The following SASH1 variants were observed in gnomAD, a reference collection of about 807,000 sequenced individuals.
The protein encoded by SASH1 is SAM and SH3 domain-containing protein 1.
In SASH1, 44 loss-of-function variants were observed where a neutral mutation model predicts 125.2. That is an observed-to-expected ratio of 0.35 (90% CI 0.28 to 0.45). The LOEUF is 0.45. SASH1 is among the 20% of genes least tolerant of loss of function. The pLI is 1.00. For missense variants in SASH1, 1,426 were observed against 1,614.5 expected (o/e 0.88, Z 2.00); for synonymous variants, 639 against 649.1 (o/e 0.98, Z 0.24).
intron 1 of SASH1, among the ~76,000 whole-genome samples, chr6:148,278,128 C>G (rs1779237794): frequency 6.6e-6 from 1 of 152,108 alleles, no homozygotes; most frequent in Non-Finnish European, 1.5e-5. Flanking sequence ...CAACCTCTGC[C>G]TCCCGGGTTC....
At chr6:148,344,431 A>G (rs1562337112) in intron 1 of SASH1, among the ~76,000 whole-genome samples, 1 of 152,202 alleles carries the variant, frequency 6.6e-6, no homozygotes, top group Non-Finnish European at 1.5e-5. Context: ...CCTTCTGGAC[A>G]TCCTAAAAGC....
intron 1 of SASH1, among the ~76,000 whole-genome samples, chr6:148,385,775 C>G (rs575145438): frequency 6.6e-6 from 1 of 152,304 alleles, no homozygotes; most frequent in Admixed American, 6.5e-5. Context: ...GGTGGAGCAT[C>G]TGGAAAGGGC....
At chr6:148,293,128 A>C (rs1779677445) in intron 1 of SASH1, among the ~76,000 whole-genome samples, 1 of 152,090 alleles carries the variant, frequency 6.6e-6, no homozygotes, top group South Asian at 2.1e-4. Flanking sequence ...ATCTGTAATA[A>C]TCTCAAAGGG....
rs576798745 is a variant in SASH1, at chr6:148,446,088, C to CTTTTTTTTTTTTTTTTTTTTTT, written c.386+5698_386+5719dup. ...TTGCTATCCTGAACAACATAGGGTT[C>CTTTTTTTTTTTTTTTTTTTTTT]TTTTTTTTTTTTTTTTTTTTTTTTT... is the stretch of plus-strand genomic sequence containing the variant. On this transcript the variant is annotated intron_variant, in intron 4 of 19. Transcript: ENST00000367467. 7.0e-5 allele frequency among the ~76,000 whole-genome samples: 5 copies of CTTTTTTTTTTTTTTTTTTTTTT among 71,012 alleles called. 2 individuals are homozygous for CTTTTTTTTTTTTTTTTTTTTTT. Among genetic ancestry groups the CTTTTTTTTTTTTTTTTTTTTTT allele is most frequent in the Non-Finnish European group, 1.3e-4 (5 of 38,074 alleles). The allele number at this position is 71,012 out of a possible 152,430, so 46.6% of individuals were successfully genotyped here.
chr6:148,497,877 G>A (rs1779378601), intron 8 of SASH1, among the ~76,000 whole-genome samples: 1 of 152,160 alleles, frequency 6.6e-6, no homozygotes, highest in African/African-American at 2.4e-5. Context: ...AGTAGTTATT[G>A]TACTGAAATA....
intron 1 of SASH1, among the ~76,000 whole-genome samples, chr6:148,319,158 G>C (rs988969896): frequency 2.1e-5 from 3 of 143,084 alleles, no homozygotes; most frequent in Admixed American, 7.3e-5. Flanking sequence ...TCAGCCTCCC[G>C]AGTAGCTGGG....
intron 2 of SASH1, among the ~76,000 whole-genome samples, chr6:148,401,938 T>A (rs1007878122): frequency 1.3e-5 from 2 of 152,236 alleles, no homozygotes; most frequent in African/African-American, 4.8e-5. Flanking sequence ...TGGGTTTCTT[T>A]TCTCCGAGAT....
chr6:148,249,993 G>A, the SASH1 span, among the ~76,000 whole-genome samples: 1 of 152,212 alleles, frequency 6.6e-6, no homozygotes, highest in Non-Finnish European at 1.5e-5. Context: ...TTTGTTAAGT[G>A]AGTGAATGAA....
intron 2 of SASH1, among the ~76,000 whole-genome samples, chr6:148,422,649 G>A (rs1775621589): frequency 6.6e-6 from 1 of 152,126 alleles, no homozygotes; most frequent in Non-Finnish European, 1.5e-5. Context: ...AATTTCATTT[G>A]CTTTTGAACT....
At chr6:148,461,182 A>C (rs1044839562) in intron 4 of SASH1, among the ~76,000 whole-genome samples, 2 of 152,148 alleles carry the variant, frequency 1.3e-5, no homozygotes, top group African/African-American at 4.8e-5. Flanking sequence ...CAAGGCTTAG[A>C]TTGGTGGCAG....
chr6:148,525,387 C>CA (rs1164990330), intron 11 of SASH1, 22 bp downstream of exon 11: 2 of 1,564,046 alleles, frequency 1.3e-6, no homozygotes, highest in Admixed American at 1.7e-5. Context: ...CAGAGGAAAG[C>CA]AAAAAATATG....
At chr6:148,333,871 G>T (rs1302245202) in intron 1 of SASH1, among the ~76,000 whole-genome samples, 1 of 151,882 alleles carries the variant, frequency 6.6e-6, no homozygotes, top group Non-Finnish European at 1.5e-5. Flanking sequence ...CGCCCAGGCT[G>T]GACTGCAGTG....
chr6:148,441,505 G>A (rs1370042862), intron 4 of SASH1, among the ~76,000 whole-genome samples: 2 of 152,112 alleles, frequency 1.3e-5, no homozygotes, highest in African/African-American at 4.8e-5. Flanking sequence ...TGCTTGCCTT[G>A]CCTCCTCCCA....
chr6:148,547,232 A>G (rs1782626498), intron 19 of SASH1, among the ~76,000 whole-genome samples: 1 of 152,224 alleles, frequency 6.6e-6, no homozygotes, highest in Non-Finnish European at 1.5e-5. Context: ...GAGTGACTTG[A>G]ATGCAAGTAC....
chr6:148,307,068 CTTTCTTTCTTTCTTTCTTTCTT>C, intron 1 of SASH1, among the ~76,000 whole-genome samples: 1 of 146,322 alleles, frequency 6.8e-6, no homozygotes, highest in Non-Finnish European at 1.5e-5. Flanking sequence ...TTCTTTCTTT[CTTTCTTTCTTTCTTTCTTTCTT>C]TCTTTCTCTC....
intron 7 of SASH1, among the ~76,000 whole-genome samples, chr6:148,474,774 G>C (rs1450625467): frequency 1.3e-5 from 2 of 152,072 alleles, no homozygotes; most frequent in East Asian, 3.9e-4. Context: ...GTCTCTTCAT[G>C]TTGCCCAGGC....
chr6:148,365,370 G>A (rs1782407071), intron 1 of SASH1, among the ~76,000 whole-genome samples: 1 of 151,058 alleles, frequency 6.6e-6, no homozygotes, highest in Non-Finnish European at 1.5e-5. Context: ...TAGGAAGCCT[G>A]ATGGCCATTT....
At chr6:148,480,065 A>G (rs1301270460) in intron 7 of SASH1, 1 of 152,172 alleles carries the variant, frequency 6.6e-6, no homozygotes, top group Non-Finnish European at 1.5e-5. Flanking sequence ...CCTGCTCAAG[A>G]TTGAAACTCC....
intron 2 of SASH1, chr6:148,393,566 C>A: frequency 2.8e-6 from 1 of 351,830 alleles, no homozygotes; most frequent in Non-Finnish European, 4.0e-6. Flanking sequence ...CTTTGGAAGG[C>A]AGCTTCTAGG....
Sources: gnomAD v4.1 joint callset for allele counts (sites outside exome capture counted in the v4.1 genomes callset) on GRCh38, gnomAD v4.1.1 for gene constraint, MANE v1.5 for transcripts, NCBI Gene and HGNC (gene_info 2026-07-23, HGNC 2026-07-21) for gene names.